MSH4: variants seen among roughly 807,000 people sequenced by gnomAD.
The protein encoded by MSH4 is mutS protein homolog 4.
Under a neutral mutation model 113.7 loss-of-function variants are expected in MSH4, and 106 were observed. The observed-to-expected ratio is 0.93, with a 90% CI of 0.80 to 1.10. The LOEUF is 1.10. Among genes scored for constraint, MSH4 ranks in the 50% least tolerant of loss-of-function variants. The pLI is 0.00. For missense variants in MSH4, 1,061 were observed against 1,093.7 expected, an observed-to-expected ratio of 0.97 and a Z score of 0.42; for synonymous variants, 368 against 380.2, an observed-to-expected ratio of 0.97 and a Z score of 0.37.
chr1:75,819,320 C>G (rs1200579710), intron 6 of MSH4, among the ~76,000 whole-genome samples: 1 of 152,034 alleles, frequency 6.6e-6, no homozygotes, highest in African/African-American at 2.4e-5. Flanking sequence ...TGGTGAAACC[C>G]TGTCTTTACC....
intron 7 of MSH4, among the ~76,000 whole-genome samples, chr1:75,831,703 T>C (rs1650695296): frequency 1.3e-5 from 2 of 152,116 alleles, no homozygotes; most frequent in African/African-American, 2.4e-5. Context: ...CATAATGAAA[T>C]GAAGGCAGAA....
chr1:75,872,640 C>A lies in MSH4; in HGVS notation c.1306-4296C>A, dbSNP rs147844848. Reference sequence around the variant, plus strand: ...AGAAAGAAAGAATGGATCCATCTGCCTTGCAGTGAACACATGCCACTTAAT... The same window carrying A: ...AGAAAGAAAGAATGGATCCATCTGCATTGCAGTGAACACATGCCACTTAAT... On this transcript the variant is annotated intron_variant, in intron 9 of 19. Transcript: ENST00000263187. Among the ~76,000 whole-genome samples, 12 of 152,292 alleles carry A rather than the reference C, an allele frequency of 7.9e-5. 1 individual carries two copies. The highest frequency in any genetic ancestry group is 2.9e-4 in the African/African-American group (12 of 41,554).
Position 75,884,052 on chromosome 1 carries a change from A to G in MSH4, c.2107+231A>G, listed in dbSNP as rs567279661. Reference sequence around the variant, plus strand: ...TGCACTAAAATTTTTTTGGGATACTACAGAATTGGGAACATTCTTACTATA... The same window carrying G: ...TGCACTAAAATTTTTTTGGGATACTGCAGAATTGGGAACATTCTTACTATA... On this transcript the variant is annotated intron_variant, in intron 15 of 19. Coordinates refer to ENST00000263187, the MANE Select transcript of MSH4 (RefSeq NM_002440.4). Among the ~76,000 whole-genome samples the G allele has an allele frequency of 8.5e-5, 13 of 152,280 alleles. No individual in the cohort carries two copies. The East Asian group carries it at 1.7e-3, about 20-fold the overall frequency.
At chr1:75,803,215 T>C (rs1649977688) in intron 1 of MSH4, among the ~76,000 whole-genome samples, 1 of 152,204 alleles carries the variant, frequency 6.6e-6, no homozygotes, top group Non-Finnish European at 1.5e-5. Flanking sequence ...AGTGAACTTG[T>C]AGAGGCAAAA....
At chr1:75,835,763 CA>C (rs1401763679) in intron 7 of MSH4, among the ~76,000 whole-genome samples, 1 of 152,210 alleles carries the variant, frequency 6.6e-6, no homozygotes, top group African/African-American at 2.4e-5. Context: ...TATTCACAGC[CA>C]AACCTGTTGA....
rs536425931 is a variant in MSH4, at chr1:75,826,203, G to T, written c.1162+3622G>T. On this transcript the variant is annotated intron_variant, in intron 7 of 19. Transcript: ENST00000263187. Reference sequence around the variant, plus strand: ...CTGGTTTAGTCTTGGGAGGGTGTATGTGTCCAGGAATTTATCCATTTCTTC... The same window carrying T: ...CTGGTTTAGTCTTGGGAGGGTGTATTTGTCCAGGAATTTATCCATTTCTTC... Among the ~76,000 whole-genome samples the T allele has an allele frequency of 1.7e-3, 255 of 152,282 alleles. 1 individual carries two copies. The highest frequency in any genetic ancestry group is 2.5e-3 in the Non-Finnish European group (168 of 68,020).
At chr1:75,886,640 T>A (rs1386162811) in intron 15 of MSH4, among the ~76,000 whole-genome samples, 5 of 128,782 alleles carry the variant, frequency 3.9e-5, no homozygotes, top group South Asian at 4.6e-4. Flanking sequence ...AAATATATAA[T>A]TATGTATAAA....
At chr1:75,891,906 A>G (rs575288924) in intron 17 of MSH4, among the ~76,000 whole-genome samples, 132 of 152,330 alleles carry the variant, frequency 8.7e-4, no homozygotes, top group African/African-American at 2.9e-3. Flanking sequence ...ATATTACTTA[A>G]GATTAAAAGC....
intron 9 of MSH4, among the ~76,000 whole-genome samples, chr1:75,875,244 T>C (rs11161801): frequency 0.96 from 146,611 of 152,214 alleles, 70,851 homozygotes; most frequent in East Asian, 1. Flanking sequence ...CATTAATCAA[T>C]GGATGATGAA....
At position 75,903,885 on chromosome 1, in the gene MSH4, A is replaced by G. The variant is rs576044353; in HGVS notation, c.2619+4179A>G. ...TTTCTCTTGCTTAATTGCTCTGGCT[A>G]GGACATCCAGTACTATGTTGAATAA... On this transcript the variant is annotated intron_variant, in intron 19 of 19. Coordinates refer to ENST00000263187, the MANE Select transcript of MSH4 (RefSeq NM_002440.4). Among the ~76,000 whole-genome samples, 14 of 152,196 alleles carry G rather than the reference A, an allele frequency of 9.2e-5. No homozygotes were observed. The South Asian group carries it at 2.9e-3, about 32-fold the overall frequency.
intron 1 of MSH4, 99 bp from the exon 2 acceptor site, chr1:75,803,626 AAAAAAG>A (rs1649989810): frequency 2.2e-6 from 2 of 901,932 alleles, no homozygotes; most frequent in African/African-American, 3.5e-5. Flanking sequence ...TCAAAAAAGA[AAAAAAG>A]AAAAAAAAGG....
chr1:75,817,652 A>T (rs1159218532), intron 6 of MSH4, among the ~76,000 whole-genome samples: 2 of 152,186 alleles, frequency 1.3e-5, no homozygotes, highest in Non-Finnish European at 2.9e-5. Flanking sequence ...TAAAAGATGG[A>T]TATTCTACGT....
intron 8 of MSH4, among the ~76,000 whole-genome samples, chr1:75,865,248 G>C (rs535391092): frequency 6.6e-6 from 1 of 152,164 alleles, no homozygotes; most frequent in East Asian, 1.9e-4. Flanking sequence ...TCTTGAGTTA[G>C]TAATATCTTT....
intron 7 of MSH4, among the ~76,000 whole-genome samples, chr1:75,824,329 T>C (rs1650497025): frequency 1.3e-5 from 2 of 152,220 alleles, no homozygotes; most frequent in South Asian, 4.1e-4. Context: ...GGTTGTTTTT[T>C]TCTTGTAAAT....
intron 19 of MSH4, among the ~76,000 whole-genome samples, chr1:75,911,930 G>T (rs537941983): frequency 1.3e-5 from 2 of 152,084 alleles, no homozygotes; most frequent in South Asian, 4.2e-4. Flanking sequence ...TCTCTATCTA[G>T]TTCAGGCAAA....
chr1:75,905,138 GGTT>G (rs902813782), intron 19 of MSH4, among the ~76,000 whole-genome samples: 6 of 130,738 alleles, frequency 4.6e-5, no homozygotes, highest in African/African-American at 1.8e-4. Context: ...TACCACGTTA[GGTT>G]GTTGTTGTTT....
At chr1:75,882,903 G>T (rs1287615494) in intron 14 of MSH4, among the ~76,000 whole-genome samples, 1 of 152,086 alleles carries the variant, frequency 6.6e-6, no homozygotes, top group Non-Finnish European at 1.5e-5. Flanking sequence ...AAGTAGGGAA[G>T]TAGTGTTTAA....
chr1:75,902,078 C>T (rs1310851834), intron 19 of MSH4, among the ~76,000 whole-genome samples: 1 of 152,042 alleles, frequency 6.6e-6, no homozygotes, highest in Non-Finnish European at 1.5e-5. Flanking sequence ...TGTGAACTTC[C>T]CCAAGAAACT....
At position 75,848,221 on chromosome 1, in the gene MSH4, T is replaced by C; in HGVS notation, c.1175T>C (p.Phe392Ser). The C allele has an allele frequency of 2.5e-6, 4 of 1,604,272 alleles. No individual in the cohort carries two copies. The highest frequency in any genetic ancestry group is 3.4e-6 in the Non-Finnish European group (4 of 1,172,910). ...TTGTTTGTTTCAGTTATATCAAGAT[T>C]TCTTGATACAGAGCAGCTTCTTTCT... ...FFGLQSVISRFLDTEQLLSVL... is the reference protein window; with the variant it reads ...FFGLQSVISRSLDTEQLLSVL... Residue 392 changes from phenylalanine to serine, a missense_variant, in exon 8 of 20, where the codon TTT becomes TCT. Phe to Ser is a radical substitution (Grantham distance 155, BLOSUM62 -2). Transcript: ENST00000263187.
Sources: allele counts gnomAD v4.1 joint callset (sites outside exome capture counted in the v4.1 genomes callset), GRCh38; gene constraint gnomAD v4.1.1; transcripts MANE v1.5; gene names NCBI Gene and HGNC (gene_info 2026-07-23, HGNC 2026-07-21).